The following CEP41 variants were observed in gnomAD, a reference collection of about 807,000 sequenced individuals.
CEP41 encodes centrosomal protein of 41 kDa.
In CEP41, 32 loss-of-function variants were observed where a neutral mutation model predicts 44.3. That is an observed-to-expected ratio of 0.72 (90% CI 0.54 to 0.97). The LOEUF (loss-of-function observed/expected upper bound fraction) is 0.97, where lower values mean the gene tolerates loss of function less well. CEP41 is among the 50% of genes least tolerant of loss of function. CEP41 has a pLI of 0.00. For synonymous variants in CEP41, 151 were observed against 168.5 expected, an observed-to-expected ratio of 0.90 and a Z score of 0.80; for missense variants, 432 against 455.2, an observed-to-expected ratio of 0.95 and a Z score of 0.46.
chr7:130,427,488 A>T (rs1206079587), intron 2 of CEP41, among the ~76,000 whole-genome samples: 1 of 152,326 alleles, frequency 6.6e-6, no homozygotes, highest in South Asian at 2.1e-4. Context: ...TTTAACTAAA[A>T]AAAAAACACA....
At position 130,402,690 on chromosome 7, in the gene CEP41, C is replaced by T. The variant is rs1796888816; in HGVS notation, c.532G>A (p.Val178Met). ...YPDCPFLLLD[V>M]RDRDSYQQCH... ...TGCTGGTAAGAATCTCTATCACGCA[C>T]ATCTAGCAGCAGGAAGGGGCAGTCA... Residue 178 changes from valine to methionine, a missense_variant, in exon 7 of 11, where the codon GTG becomes ATG. Val to Met is a conservative substitution (Grantham distance 21, BLOSUM62 1). Coordinates refer to ENST00000223208, the MANE Select transcript of CEP41 (RefSeq NM_018718.3). 6.2e-7 allele frequency: 1 copy of T among 1,614,176 alleles called. No homozygotes were observed.
chr7:130,422,938 C>T (rs1188584253), intron 2 of CEP41, among the ~76,000 whole-genome samples: 1 of 152,118 alleles, frequency 6.6e-6, no homozygotes, highest in African/African-American at 2.4e-5. Flanking sequence ...ATATATAAAA[C>T]AACTCTTTTT....
chr7:130,409,025 G>A (rs781893172), intron 5 of CEP41, among the ~76,000 whole-genome samples: 1 of 152,076 alleles, frequency 6.6e-6, no homozygotes, highest in Admixed American at 6.6e-5. Flanking sequence ...GGAGGAAAGC[G>A]GACCAAAACA....
intron 3 of CEP41, among the ~76,000 whole-genome samples, chr7:130,416,404 G>A (rs1356092189): frequency 3.3e-5 from 5 of 152,150 alleles, no homozygotes; most frequent in Admixed American, 3.3e-4. Context: ...TTTTTAAAAG[G>A]ATGTAGATGA....
In CEP41 at chr7:130,395,988, T is replaced by C. The variant is rs1000334928; in HGVS notation, c.*2903A>G. The C allele has an allele frequency of 8.8e-6, 4 of 453,950 alleles. No individual in the cohort carries two copies. The highest frequency in any genetic ancestry group is 2.0e-5 in the African/African-American group (1 of 49,992). 28.1% of individuals were successfully genotyped at this position (453,950 alleles called of 1,614,324 possible). On this transcript the variant is annotated 3_prime_UTR_variant, in exon 11 of 11. Coordinates refer to ENST00000223208, the MANE Select transcript of CEP41 (RefSeq NM_018718.3). The stretch of plus-strand genomic sequence containing the variant: ...ATTATTACAGCCCAGGGTGTTCCTT[T>C]TGTTTTCAAATAAGTAATGTAGCTT...
Position 130,398,870 on chromosome 7 carries a change from T to A in CEP41, c.*21A>T. 6.2e-7 allele frequency: 1 copy of A among 1,613,952 alleles called. No homozygotes were observed. Among genetic ancestry groups the A allele is most frequent in the Non-Finnish European group, 8.5e-7 (1 of 1,179,778 alleles). On this transcript the variant is annotated 3_prime_UTR_variant, in exon 11 of 11. Coordinates refer to ENST00000223208, the MANE Select transcript of CEP41 (RefSeq NM_018718.3). The stretch of plus-strand genomic sequence containing the variant: ...TCTGAAAAGAGGAAGAACATTTATT[T>A]GCCTAAGTGAGACAAAGTCTTTACT...
chr7:130,424,801 T>C (rs1353828616), intron 2 of CEP41, among the ~76,000 whole-genome samples: 1 of 152,134 alleles, frequency 6.6e-6, no homozygotes, highest in African/African-American at 2.4e-5. Context: ...GCAAAGACTT[T>C]TTAGACTAGA....
At position 130,427,628 on chromosome 7, in the gene CEP41, T is replaced by A. The variant is rs535487031; in HGVS notation, c.97+327A>T. ...CCAGTTTAAAGGAATATACTTAAGG[T>A]ATTCCAAAATAGAGGCTGACCTCCT... On this transcript the variant is annotated intron_variant, in intron 2 of 10. Coordinates refer to ENST00000223208, the MANE Select transcript of CEP41 (RefSeq NM_018718.3). 1.1e-4 allele frequency among the ~76,000 whole-genome samples: 16 copies of A among 152,346 alleles called. No homozygotes were observed. The South Asian group carries it at 3.3e-3, about 32-fold the overall frequency.
intron 2 of CEP41, 81 bp from the exon 3 acceptor site, chr7:130,417,047 GTA>G: frequency 7.4e-7 from 1 of 1,358,152 alleles, no homozygotes; most frequent in Non-Finnish European, 1.0e-6. Context: ...TGGAGGAAAA[GTA>G]TCCCCTAAGC....
At chr7:130,431,755 C>T (rs185945546) in intron 1 of CEP41, among the ~76,000 whole-genome samples, 341 of 152,134 alleles carry the variant, frequency 2.2e-3, no homozygotes, top group Non-Finnish European at 3.9e-3. Context: ...AGTAACTGGC[C>T]GGCCTGGAGC....
chr7:130,419,729 A>G, intron 2 of CEP41: 1 of 985,188 alleles, frequency 1.0e-6, no homozygotes, highest in South Asian at 4.7e-5. Flanking sequence ...CCAACTCACT[A>G]CCTCTTAATG....
intron 8 of CEP41, 153 bp from the exon 9 acceptor site, chr7:130,400,974 T>G: frequency 1.5e-6 from 1 of 653,186 alleles, no homozygotes; most frequent in East Asian, 2.8e-5. Flanking sequence ...AGGGACTGGA[T>G]GGTTTCCCAT....
At chr7:130,402,834 C>CAG in intron 6 of CEP41, 35 bp from the exon 7 acceptor site, 4 of 1,613,330 alleles carry the variant, frequency 2.5e-6, no homozygotes, top group Non-Finnish European at 3.4e-6. Context: ...AGAAACTAGT[C>CAG]AGAGGTTGGT....
chr7:130,404,708 T>A lies in CEP41; in HGVS notation c.278A>T (p.Asp93Val). Residue 93 changes from aspartate to valine, a missense_variant and splice_region_variant, in exon 6 of 11, where the codon GAC becomes GTC. Asp to Val is a radical substitution (Grantham distance 152, BLOSUM62 -3). Transcript: ENST00000223208. ...VTAEEIQRLE[D>V]NDSAASDPDA... is the part of the protein sequence containing the mutation. ...AGGGTCTGAAGCTGCAGAATCATTG[T>A]CTAATATTTACAAATGAAGAAATAA... 6.2e-7 allele frequency: 1 copy of A among 1,606,406 alleles called. No individual in the cohort carries two copies. The highest frequency in any genetic ancestry group is 8.5e-7 in the Non-Finnish European group (1 of 1,173,022).
intron 2 of CEP41, among the ~76,000 whole-genome samples, chr7:130,424,485 A>AATATTAGG (rs1797602273): frequency 6.6e-6 from 1 of 152,166 alleles, no homozygotes; most frequent in African/African-American, 2.4e-5. Flanking sequence ...TATAGTAATC[A>AATATTAGG]ATATTAGGAT....
chr7:130,424,531 G>C (rs1191203144), intron 2 of CEP41, among the ~76,000 whole-genome samples: 1 of 152,158 alleles, frequency 6.6e-6, no homozygotes, highest in Non-Finnish European at 1.5e-5. Context: ...CATGGGATCA[G>C]AATAGAGAAC....
At position 130,395,748 on chromosome 7, in the gene CEP41, A is replaced by C; in HGVS notation, c.*3143T>G. The C allele has an allele frequency of 2.2e-6, 1 of 453,848 alleles. No individual in the cohort carries two copies. The highest frequency in any genetic ancestry group is 2.4e-5 in the Admixed American group (1 of 42,538). 28.1% of individuals were successfully genotyped at this position (453,848 alleles called of 1,614,324 possible). ...TGGTCGAGTAGCCTAAAGTCTTAAG[A>C]ATTTTTGTATAATTTAAATAGCACC... On this transcript the variant is annotated 3_prime_UTR_variant, in exon 11 of 11. Transcript: ENST00000223208.
chr7:130,436,961 C>T (rs1010066326), intron 1 of CEP41, among the ~76,000 whole-genome samples: 1 of 152,160 alleles, frequency 6.6e-6, no homozygotes, highest in Non-Finnish European at 1.5e-5. Flanking sequence ...ATCGCTTGAA[C>T]CTGGGAGGCG....
chr7:130,407,483 T>A (rs1797051289), intron 5 of CEP41, among the ~76,000 whole-genome samples: 1 of 151,990 alleles, frequency 6.6e-6, no homozygotes, highest in African/African-American at 2.4e-5. Flanking sequence ...GTTAAAAAGG[T>A]AAATGATCAA....
Sources: allele counts gnomAD v4.1 joint callset (sites outside exome capture counted in the v4.1 genomes callset), GRCh38; gene constraint gnomAD v4.1.1; transcripts MANE v1.5; gene names NCBI Gene and HGNC (gene_info 2026-07-23, HGNC 2026-07-21).